Variants in LONRF2 observed in about 807,000 individuals in gnomAD.
LONRF2 encodes LON peptidase N-terminal domain and ring finger 2, also known as LON peptidase N-terminal domain and RING finger protein 2.
LONRF2 carries 35 observed loss-of-function variants against 66.6 expected under a neutral mutation model. The ratio of observed to expected loss-of-function variants is 0.53; its 90% CI spans 0.40 to 0.70. The LOEUF (loss-of-function observed/expected upper bound fraction) is 0.70, where lower values mean the gene tolerates loss of function less well. Among genes scored for constraint, LONRF2 ranks in the 30% least tolerant of loss-of-function variants. The probability of loss-of-function intolerance (pLI) is 0.00; values close to 1 mark genes in which losing one functional copy is unlikely to be tolerated. For missense variants in LONRF2, 902 were observed against 1,002.1 expected, an observed-to-expected ratio of 0.90 and a Z score of 1.35; for synonymous variants, 417 against 418.1, an observed-to-expected ratio of 1.00 and a Z score of 0.03.
Position 100,300,681 on chromosome 2 carries a change from T to C in LONRF2, c.1028A>G (p.Gln343Arg), listed in dbSNP as rs1675167106. Residue 343 changes from glutamine (Q) to arginine (R), a missense_variant, in exon 4 of 12, where the codon CAG becomes CGG. Around this residue, in one of 2 missense-constraint regions of LONRF2, gnomAD observed 585 missense variants for 569.9 expected, o/e 1.03. Coordinates refer to ENST00000393437, the MANE Select transcript of LONRF2 (RefSeq NM_198461.4). Reference protein sequence around the residue: ...KAQGHSHMNAQALLEEGDAGS... With the variant: ...KAQGHSHMNARALLEEGDAGS... Reference sequence around the variant, plus strand: ...TGCATCACCTTCTTCCAGCAGAGCCTGGGCATTCATGTGGCTGTGACCCTG... The same window carrying C: ...TGCATCACCTTCTTCCAGCAGAGCCCGGGCATTCATGTGGCTGTGACCCTG... 1 of 1,613,166 alleles carries C rather than the reference T, an allele frequency of 6.2e-7. No homozygotes were observed. The highest frequency in any genetic ancestry group is 8.5e-7 in the Non-Finnish European group (1 of 1,179,826).
intron 7 of LONRF2, among the ~76,000 whole-genome samples, chr2:100,295,836 A>C (rs2105721686): frequency 6.6e-6 from 1 of 152,318 alleles, no homozygotes; most frequent in East Asian, 1.9e-4. Context: ...GTGAGAGGGG[A>C]GGAAGTGAAG....
In LONRF2 at chr2:100,294,350, C is replaced by T; in HGVS notation, c.1636G>A (p.Ala546Thr). 2 of 1,599,396 alleles carry T rather than the reference C, an allele frequency of 1.3e-6. No homozygotes were observed. Residue 546 changes from alanine (A) to threonine (T), a missense_variant, in exon 9 of 12, where the codon GCC becomes ACC. Coordinates refer to ENST00000393437, the MANE Select transcript of LONRF2 (RefSeq NM_198461.4). ...RDVPIFVCAM[A>T]FPTVPCPLHV... The stretch of plus-strand genomic sequence containing the variant: ...AGTGGACATGGGACCGTGGGGAAGG[C>T]CATGGCACACACAAAGATGGGGACG...
At chr2:100,297,273 T>C (rs6542926) in intron 7 of LONRF2, among the ~76,000 whole-genome samples, 114,333 of 151,880 alleles carry the variant, frequency 0.75, 44,194 homozygotes, top group East Asian at 0.96. Context: ...GGACTACAGG[T>C]GCCCGCCACC....
chr2:100,286,903 G>A lies in LONRF2; in HGVS notation c.2070+11C>T. Reference sequence around the variant, plus strand: ...AGTAACAGAATTATAAAGGAAAAAGGGAGGGCATACCTGAGGCTCAGGTTC... The same window carrying A: ...AGTAACAGAATTATAAAGGAAAAAGAGAGGGCATACCTGAGGCTCAGGTTC... On this transcript the variant is annotated intron_variant, in intron 11 of 11. Transcript: ENST00000393437. 4 of 1,612,230 alleles carry A rather than the reference G, an allele frequency of 2.5e-6. No individual in the cohort carries two copies. The highest frequency in any genetic ancestry group is 3.4e-6 in the Non-Finnish European group (4 of 1,179,084).
rs1009251374 is a variant in LONRF2 at position 100,303,194 on chromosome 2, G to A, written c.799-151C>T. 7.9e-5 allele frequency: 62 copies of A among 786,696 alleles called. 1 individual carries two copies. The highest frequency in any genetic ancestry group is 1.1e-4 in the East Asian group (4 of 35,514). The allele number at this position is 786,696 out of a possible 1,614,324, so 48.7% of individuals were successfully genotyped here. On this transcript the variant is annotated intron_variant, in intron 2 of 11. Coordinates refer to ENST00000393437, the MANE Select transcript of LONRF2 (RefSeq NM_198461.4). ...AAGCCCATCAAAGGATGACTCTATC[G>A]CTACTTTCTCTACCCTGGAAACTTA...
chr2:100,295,299 T>C (rs1573114407), intron 8 of LONRF2, 133 bp downstream of exon 8: 2 of 663,192 alleles, frequency 3.0e-6, no homozygotes, highest in East Asian at 3.0e-5. Flanking sequence ...CCAAAAATAT[T>C]TTGCAATTAA....
At position 100,316,873 on chromosome 2, in the gene LONRF2, A is replaced by C. The variant is rs568807654; in HGVS notation, c.679+4542T>G. On this transcript the variant is annotated intron_variant, in intron 1 of 11. Coordinates refer to ENST00000393437, the MANE Select transcript of LONRF2 (RefSeq NM_198461.4). ...GTGTACACTTGTTGTTAGGTGCATA[A>C]AAATTTAGGCATATTATTACACATT... 7.2e-5 allele frequency among the ~76,000 whole-genome samples: 11 copies of C among 152,268 alleles called. 1 individual carries two copies. Among genetic ancestry groups the C allele is most frequent in the African/African-American group, 2.6e-4 (11 of 41,548 alleles).
At chr2:100,321,302 G>T in intron 1 of LONRF2, 113 bp downstream of exon 1, 1 of 956,908 alleles carries the variant, frequency 1.0e-6, no homozygotes, top group Non-Finnish European at 1.4e-6. Context: ...TGACCCCTAA[G>T]CCTAGACAAA....
chr2:100,308,900 T>C (rs1675349792), intron 2 of LONRF2, among the ~76,000 whole-genome samples: 1 of 152,214 alleles, frequency 6.6e-6, no homozygotes, highest in African/African-American at 2.4e-5. Context: ...TAATAGAAAT[T>C]AGTGTTTCTC....
chr2:100,302,830 C>A lies in LONRF2; in HGVS notation c.921+91G>T. On this transcript the variant is annotated intron_variant, in intron 3 of 11. Transcript: ENST00000393437. ...ATCACGAACATTCAGAATTATATTT[C>A]TTGTTTATTTCACATGCAAGGGTTA... 2 of 1,248,026 alleles carry A rather than the reference C, an allele frequency of 1.6e-6. 1 individual carries two copies. Among genetic ancestry groups the A allele is most frequent in the Admixed American group, 5.6e-5 (2 of 35,652 alleles). The allele number at this position is 1,248,026 out of a possible 1,614,324, so 77.3% of individuals were successfully genotyped here. A position where few individuals can be genotyped will look rare whatever the true frequency, so the allele number is the denominator to read the frequency against.
rs1021480516 is a variant in LONRF2 at position 100,300,021 on chromosome 2, G to C, written c.1066-103C>G. 3.8e-5 allele frequency: 22 copies of C among 581,362 alleles called. 1 individual carries two copies. The highest frequency in any genetic ancestry group is 2.5e-4 in the South Asian group (12 of 48,468). The allele number at this position is 581,362 out of a possible 1,614,324, so 36.0% of individuals were successfully genotyped here. A position where few individuals can be genotyped will look rare whatever the true frequency, so the allele number is the denominator to read the frequency against. On this transcript the variant is annotated intron_variant, in intron 4 of 11. Coordinates refer to ENST00000393437, the MANE Select transcript of LONRF2 (RefSeq NM_198461.4). ...ACTAGAAATCTTTGGAAAAAAAAAG[G>C]GGGGGGCATACACTCTTCTTCATAA...
chr2:100,287,743 G>A (rs534016092), intron 10 of LONRF2, among the ~76,000 whole-genome samples: 3 of 152,238 alleles, frequency 2.0e-5, no homozygotes, highest in East Asian at 3.9e-4. Flanking sequence ...TCCTGTTCAG[G>A]AACACCTGGT....
At position 100,294,262 on chromosome 2, in the gene LONRF2, C is replaced by T. The variant is rs373744289; in HGVS notation, c.1724G>A (p.Arg575Gln). Residue 575 changes from arginine (R) to glutamine (Q), a missense_variant, in exon 9 of 12, where the codon CGG becomes CAG. By Grantham distance (43) the Arg-to-Gln change is conservative (BLOSUM62 1). This residue lies in a region of LONRF2 where 317 missense variants were observed against 432.2 expected (regional missense o/e 0.73). Coordinates refer to ENST00000393437, the MANE Select transcript of LONRF2 (RefSeq NM_198461.4). The stretch of plus-strand genomic sequence containing the variant: ...CTCAGCAGATAAACACATGCCAAAC[C>T]GCTTGGTGCCAGTTTCCATGCATCT... ...IRRCMETGTKRFGMCLSAEHA... is the reference protein window; with the variant it reads ...IRRCMETGTKQFGMCLSAEHA... 40 of 1,605,818 alleles carry T rather than the reference C, an allele frequency of 2.5e-5. No individual in the cohort carries two copies. The highest frequency in any genetic ancestry group is 3.5e-5 in the Admixed American group (2 of 57,792).
At chr2:100,311,010 AATTATGATCTAAC>A (rs1675397038) in intron 1 of LONRF2, among the ~76,000 whole-genome samples, 1 of 152,228 alleles carries the variant, frequency 6.6e-6, no homozygotes, top group Admixed American at 6.5e-5. Flanking sequence ...TTCATCTGTT[AATTATGATCTAAC>A]ATGAGATTTT....
chr2:100,302,207 T>C (rs1193874926), intron 3 of LONRF2, among the ~76,000 whole-genome samples: 2 of 152,234 alleles, frequency 1.3e-5, no homozygotes, highest in African/African-American at 2.4e-5. Flanking sequence ...GAGAAAAGAA[T>C]GTTTGGCCCA....
intron 9 of LONRF2, among the ~76,000 whole-genome samples, chr2:100,292,943 A>G (rs957461096): frequency 6.6e-6 from 1 of 152,030 alleles, no homozygotes; most frequent in Non-Finnish European, 1.5e-5. Flanking sequence ...TTTCTCATAC[A>G]ATTGTCTATA....
rs1674656518 is a variant in LONRF2, at chr2:100,278,999, C to G, written c.*5299G>C. The G allele has an allele frequency of 6.6e-6, 1 of 152,020 alleles. No individual in the cohort carries two copies. The highest frequency in any genetic ancestry group is 2.4e-5 in the African/African-American group (1 of 41,362). 9.4% of individuals were successfully genotyped at this position (152,020 alleles called of 1,614,324 possible). On this transcript the variant is annotated 3_prime_UTR_variant, in exon 12 of 12. Transcript: ENST00000393437. ...TGTACCATTCTAAAACTTAAGGGAG[C>G]GTCTTGCTTTCCCAGGAGGTAACTG... is the stretch of plus-strand genomic sequence containing the variant.
At chr2:100,302,655 T>TTTATGTC (rs1185090996) in intron 3 of LONRF2, among the ~76,000 whole-genome samples, 26 of 152,358 alleles carry the variant, frequency 1.7e-4, no homozygotes, top group African/African-American at 4.8e-4. Context: ...TAACCTTGCC[T>TTTATGTC]AACATGTGTC....
At chr2:100,299,992 C>A in intron 4 of LONRF2, 74 bp from the exon 5 acceptor site, 1 of 777,166 alleles carries the variant, frequency 1.3e-6, no homozygotes, top group Non-Finnish European at 1.9e-6. Flanking sequence ...ATGCAGAAGC[C>A]TGTACTAGAA....
Sources: gnomAD v4.1 joint callset for allele counts (sites outside exome capture counted in the v4.1 genomes callset) on GRCh38, gnomAD v4.1.1 for gene constraint, gnomAD v4.1.1 regional missense constraint, MANE v1.5 for transcripts, NCBI Gene and HGNC (gene_info 2026-07-23, HGNC 2026-07-21) for gene names.